The following RALGAPB variants were observed in gnomAD, a reference collection of about 807,000 sequenced individuals.
The protein encoded by RALGAPB is Ral GTPase activating protein non-catalytic subunit beta, also known as ral GTPase-activating protein subunit beta.
RALGAPB carries 25 observed loss-of-function variants against 161.1 expected under a neutral mutation model. That is an observed-to-expected ratio of 0.16 (90% CI 0.11 to 0.22). The LOEUF is 0.22. Among genes scored for constraint, RALGAPB ranks in the 10% least tolerant of loss-of-function variants. RALGAPB has a pLI of 1.00. For missense variants in RALGAPB, 1,391 were observed against 1,815.2 expected (o/e 0.77, Z 4.25); for synonymous variants, 629 against 626.1 (o/e 1.00, Z -0.07).
chr20:38,561,217 G>C (rs549254825), intron 23 of RALGAPB, among the ~76,000 whole-genome samples: 1 of 152,196 alleles, frequency 6.6e-6, no homozygotes, highest in Admixed American at 6.5e-5. Flanking sequence ...CCAGCTGCTC[G>C]GGTGGCTGAG....
In RALGAPB at chr20:38,546,270, T is replaced by G; in HGVS notation, c.2742T>G (p.Pro914=). ...TTATGCAGTTGCTCGGCGCATTTCC[T>G]TCACCTAGTGGTCCTGCCTCTCCTT... ...TCIMQLLGAF[P]SPSGPASPCS... is the part of the protein sequence containing the mutation. Residue 914 remains proline, a synonymous_variant, in exon 19 of 30, where the codon CCT becomes CCG. Coordinates refer to ENST00000262879, the MANE Select transcript of RALGAPB (RefSeq NM_020336.4). 1 of 1,614,128 alleles carries G rather than the reference T, an allele frequency of 6.2e-7. No individual in the cohort carries two copies. The highest frequency in any genetic ancestry group is 8.5e-7 in the Non-Finnish European group (1 of 1,179,986).
chr20:38,566,700 A>C (rs1226073266), intron 25 of RALGAPB, among the ~76,000 whole-genome samples: 2 of 152,224 alleles, frequency 1.3e-5, no homozygotes, highest in Non-Finnish European at 2.9e-5. Context: ...TACATGATTG[A>C]ATATATAATC....
At chr20:38,525,650 A>C in intron 12 of RALGAPB, 132 bp downstream of exon 12, 2 of 861,664 alleles carry the variant, frequency 2.3e-6, no homozygotes, top group Non-Finnish European at 3.6e-6. Context: ...AAGTTATTTC[A>C]AGTGAATTAA....
In RALGAPB at chr20:38,571,946, C is replaced by T. The variant is rs186784784; in HGVS notation, c.4142+1099C>T. ...TCATTATGATTTTGATTTGCATTTC[C>T]CTGATGACTGGTGATGTTGGGTGCT... On this transcript the variant is annotated intron_variant, in intron 28 of 29. Coordinates refer to ENST00000262879, the MANE Select transcript of RALGAPB (RefSeq NM_020336.4). Among the ~76,000 whole-genome samples the T allele has an allele frequency of 6.4e-4, 97 of 151,876 alleles. 1 individual carries two copies. In the East Asian group the frequency reaches 0.013, roughly 20 times the overall value.
intron 23 of RALGAPB, among the ~76,000 whole-genome samples, chr20:38,558,998 A>C (rs2087693759): frequency 6.6e-6 from 1 of 152,236 alleles, no homozygotes; most frequent in African/African-American, 2.4e-5. Flanking sequence ...AGTATTTTGT[A>C]CTTGATGCCT....
chr20:38,569,532 T>C (rs2088148263), intron 26 of RALGAPB: 1 of 174,862 alleles, frequency 5.7e-6, no homozygotes, highest in African/African-American at 2.4e-5. Context: ...GTGATGTTGC[T>C]GTGATGGGGA....
intron 6 of RALGAPB, among the ~76,000 whole-genome samples, chr20:38,510,001 C>T (rs557099660): frequency 6.6e-6 from 1 of 151,824 alleles, no homozygotes; most frequent in African/African-American, 2.4e-5. Flanking sequence ...TGATCATTTT[C>T]TATTTCCTTT....
chr20:38,535,037 C>T (rs528802452), intron 15 of RALGAPB, 37 bp from the exon 16 acceptor site: 1 of 1,605,794 alleles, frequency 6.2e-7, no homozygotes, highest in African/African-American at 1.3e-5. Flanking sequence ...AGTTGTTTTC[C>T]CTCCCTGTGG....
At position 38,539,826 on chromosome 20, in the gene RALGAPB, G is replaced by T. The variant is rs6070521; in HGVS notation, c.2430G>T (p.Val810=). Residue 810 remains valine (V), a synonymous_variant, in exon 17 of 30, where the codon GTG becomes GTT. Coordinates refer to ENST00000262879, the MANE Select transcript of RALGAPB (RefSeq NM_020336.4). Reference sequence around the variant, plus strand: ...ACCGGAAGCGAGCCATCAGTTCTGTGTGCACCTACATTGTTTATCAGTGTA... The same window carrying T: ...ACCGGAAGCGAGCCATCAGTTCTGTTTGCACCTACATTGTTTATCAGTGTA... The part of the protein sequence containing the change: ...SGDRKRAISS[V]CTYIVYQCSR... 36,046 of 1,613,964 alleles carry T rather than the reference G, an allele frequency of 0.022. 672 individuals are homozygous for T. Among genetic ancestry groups the T allele is most frequent in the African/African-American group, 0.093 (6,973 of 74,986 alleles).
chr20:38,524,964 C>T lies in RALGAPB; in HGVS notation c.1787+19C>T, dbSNP rs775458225. On this transcript the variant is annotated intron_variant, in intron 11 of 29. Coordinates refer to ENST00000262879, the MANE Select transcript of RALGAPB (RefSeq NM_020336.4). ...CTGACAGGTAAGCTATCATTCTCTGCTATTATATCAACTGTCTGATTTGGC... is the reference window on the plus strand; with the variant it reads ...CTGACAGGTAAGCTATCATTCTCTGTTATTATATCAACTGTCTGATTTGGC... The T allele has an allele frequency of 3.6e-5, 57 of 1,584,776 alleles. No individual in the cohort carries two copies. In the South Asian group the frequency reaches 6.2e-4, roughly 17 times the overall value.
At position 38,521,594 on chromosome 20, in the gene RALGAPB, T is replaced by C; in HGVS notation, c.1515T>C (p.Phe505=). Residue 505 remains phenylalanine, a synonymous_variant, in exon 10 of 30, where the codon TTT becomes TTC. Transcript: ENST00000262879. ...ATCCTATGTTTGATGCAAGTGAATT[T>C]CCTGATAACTATGAAGCAGGAAGAG... The part of the protein sequence containing the change: ...VSNPMFDASE[F]PDNYEAGRAE... 6.2e-7 allele frequency: 1 copy of C among 1,614,232 alleles called. No homozygotes were observed.
At chr20:38,530,566 CT>C (rs2086622427) in intron 13 of RALGAPB, among the ~76,000 whole-genome samples, 3 of 150,362 alleles carry the variant, frequency 2.0e-5, no homozygotes, top group African/African-American at 7.3e-5. Context: ...CCAATTTTAA[CT>C]TTTTATACTT....
intron 22 of RALGAPB, among the ~76,000 whole-genome samples, chr20:38,557,161 A>G (rs1306126499): frequency 6.6e-6 from 1 of 152,208 alleles, no homozygotes; most frequent in Non-Finnish European, 1.5e-5. Context: ...ATAGGGGATT[A>G]AGAGGAAAAC....
intron 3 of RALGAPB, among the ~76,000 whole-genome samples, chr20:38,494,629 CAAACA>C (rs562813580): frequency 3.3e-5 from 5 of 152,026 alleles, no homozygotes; most frequent in Non-Finnish European, 5.9e-5. Flanking sequence ...GACTCTGTCT[CAAACA>C]AAACAAAACA....
chr20:38,511,559 A>G (rs1398465131), intron 6 of RALGAPB, among the ~76,000 whole-genome samples: 1 of 152,124 alleles, frequency 6.6e-6, no homozygotes, highest in Non-Finnish European at 1.5e-5. Context: ...GCCTTCAAGC[A>G]TCTGTTTAAC....
At chr20:38,512,443 A>G (rs1337387563) in intron 6 of RALGAPB, among the ~76,000 whole-genome samples, 1 of 152,244 alleles carries the variant, frequency 6.6e-6, no homozygotes, top group Non-Finnish European at 1.5e-5. Flanking sequence ...TTTTTAATCT[A>G]CATAATGGGA....
chr20:38,543,802 T>G (rs1445257717), intron 18 of RALGAPB, among the ~76,000 whole-genome samples: 2 of 152,180 alleles, frequency 1.3e-5, no homozygotes, highest in Non-Finnish European at 1.5e-5. Flanking sequence ...CATGGGGCCT[T>G]TGGTTATTCT....
At chr20:38,474,164 G>T (rs805552) in intron 1 of RALGAPB, among the ~76,000 whole-genome samples, 1 of 152,146 alleles carries the variant, frequency 6.6e-6, no homozygotes, top group Non-Finnish European at 1.5e-5. Context: ...TGTAGCGTCT[G>T]TAACCTCTGG....
chr20:38,492,443 G>T (rs2085307812), intron 2 of RALGAPB, among the ~76,000 whole-genome samples: 1 of 151,514 alleles, frequency 6.6e-6, no homozygotes, highest in African/African-American at 2.4e-5. Flanking sequence ...TTTTTTGGCA[G>T]AGAACAGTTG....
Sources: allele counts gnomAD v4.1 joint callset (sites outside exome capture counted in the v4.1 genomes callset), GRCh38; gene constraint gnomAD v4.1.1; transcripts MANE v1.5; gene names NCBI Gene and HGNC (gene_info 2026-07-23, HGNC 2026-07-21).